Variants in ZC3H10 observed in about 807,000 individuals in gnomAD.
The protein encoded by ZC3H10 is zinc finger CCCH domain-containing protein 10.
A neutral mutation model predicts 24.3 loss-of-function variants in ZC3H10; 12 were observed. That is an observed-to-expected ratio of 0.49 (90% CI 0.32 to 0.80). ZC3H10 has a LOEUF of 0.80. Among genes scored for constraint, ZC3H10 ranks in the 30% least tolerant of loss-of-function variants. The pLI is 0.04. For synonymous variants in ZC3H10, 226 were observed against 217.0 expected (o/e 1.04, Z -0.36); for missense variants, 360 against 576.3 (o/e 0.62, Z 3.84).
At position 56,121,915 on chromosome 12, in the gene ZC3H10, A is replaced by G; in HGVS notation, c.*48A>G. 9 of 1,529,444 alleles carry G rather than the reference A, an allele frequency of 5.9e-6. No individual in the cohort carries two copies. Among genetic ancestry groups the G allele is most frequent in the Non-Finnish European group, 6.2e-6 (7 of 1,135,246 alleles). 94.7% of individuals were successfully genotyped at this position (1,529,444 alleles called of 1,614,324 possible). The stretch of plus-strand genomic sequence containing the variant: ...GGTATAGCCTCGCAGGGCTGGGGTC[A>G]GGGGGCCCTTGCCCACTCACCTAGC... On this transcript the variant is annotated 3_prime_UTR_variant, in exon 3 of 3. Coordinates refer to ENST00000257940, the MANE Select transcript of ZC3H10 (RefSeq NM_032786.3). The surrounding 1 kb of genome is among the most constrained non-coding windows in gnomAD (Gnocchi z 6.2).
chr12:56,120,336 G>T (rs1035599755), intron 2 of ZC3H10, 175 bp from the exon 3 acceptor site: 1 of 985,356 alleles, frequency 1.0e-6, no homozygotes, highest in African/African-American at 1.7e-5. Context: ...ACCCAGACCA[G>T]GTGCACAAAA....
chr12:56,120,750 T>C lies in ZC3H10; in HGVS notation c.188T>C (p.Met63Thr). 6.2e-7 allele frequency: 1 copy of C among 1,613,908 alleles called. No individual in the cohort carries two copies. The highest frequency in any genetic ancestry group is 2.2e-5 in the East Asian group (1 of 44,874). Residue 63 changes from methionine (M) to threonine (T), a missense_variant, in exon 3 of 3, where the codon ATG (methionine) becomes ACG (threonine). Physicochemically the swap from Met to Thr is moderately conservative, Grantham distance 81 (BLOSUM62 -1). Around this residue, in one of 3 missense-constraint regions of ZC3H10, gnomAD observed 126 missense variants for 208.8 expected, o/e 0.60. Coordinates refer to ENST00000257940, the MANE Select transcript of ZC3H10 (RefSeq NM_032786.3). ...CGTTGCCGATATCGCCACCCAGACA[T>C]GAGCGAGGTGTCCAACTTGGGGGTG... ...GKRCRYRHPD[M>T]SEVSNLGVSK...
chr12:56,126,235 T>C lies in ZC3H10; in HGVS notation c.*4368T>C, dbSNP rs1869987866. 1 of 152,224 alleles carries C rather than the reference T, an allele frequency of 6.6e-6. No individual in the cohort carries two copies. The highest frequency in any genetic ancestry group is 1.5e-5 in the Non-Finnish European group (1 of 68,050). The allele number at this position is 152,224 out of a possible 1,614,324, so 9.4% of individuals were successfully genotyped here. On this transcript the variant is annotated 3_prime_UTR_variant, in exon 3 of 3. Transcript: ENST00000257940. ...ATTATGGTTTACATATAAATGCAGA[T>C]TGCAAGTCCAGGAAGTTTACTCTCT...
chr12:56,121,933 CACCT>C lies in ZC3H10; in HGVS notation c.*68_*71del. The stretch of plus-strand genomic sequence containing the variant: ...TGGGGTCAGGGGGCCCTTGCCCACT[CACCT>C]AGCCTTCCCCATCCCTGTCTGAAGG... On this transcript the variant is annotated 3_prime_UTR_variant, in exon 3 of 3. Transcript: ENST00000257940. The surrounding 1 kb of genome is among the most constrained non-coding windows in gnomAD (Gnocchi z 6.2). The C allele has an allele frequency of 6.7e-7, 1 of 1,484,190 alleles. No individual in the cohort carries two copies. The highest frequency in any genetic ancestry group is 9.0e-7 in the Non-Finnish European group (1 of 1,108,142). 91.9% of individuals were successfully genotyped at this position (1,484,190 alleles called of 1,614,324 possible). A position where few individuals can be genotyped will look rare whatever the true frequency, so the allele number is the denominator to read the frequency against.
Position 56,120,958 on chromosome 12 carries a change from T to C in ZC3H10, c.396T>C (p.Asn132=), listed in dbSNP as rs767746603. The change falls in exon 3 of 3, where the codon AAT becomes AAC. Residue 132 remains asparagine (N), a synonymous_variant. Coordinates refer to ENST00000257940, the MANE Select transcript of ZC3H10 (RefSeq NM_032786.3). ...GLGLSPADLP[N]GKEEVPICRD... Reference sequence around the variant, plus strand: ...GCCTTTCACCGGCTGACCTACCAAATGGCAAGGAGGAGGTCCCTATCTGCC... The same window carrying C: ...GCCTTTCACCGGCTGACCTACCAAACGGCAAGGAGGAGGTCCCTATCTGCC... 6.2e-7 allele frequency: 1 copy of C among 1,613,950 alleles called. No homozygotes were observed. Among genetic ancestry groups the C allele is most frequent in the Non-Finnish European group, 8.5e-7 (1 of 1,180,018 alleles).
chr12:56,120,348 C>T, intron 2 of ZC3H10, 163 bp from the exon 3 acceptor site: 7 of 985,448 alleles, frequency 7.1e-6, no homozygotes, highest in Non-Finnish European at 8.4e-6. Flanking sequence ...TGCACAAAAC[C>T]CTGGGAGGGG....
Position 56,127,059 on chromosome 12 carries a change from A to G in ZC3H10, c.*5192A>G, listed in dbSNP as rs1870017437. 1 of 152,194 alleles carries G rather than the reference A, an allele frequency of 6.6e-6. No homozygotes were observed. Among genetic ancestry groups the G allele is most frequent in the Non-Finnish European group, 1.5e-5 (1 of 68,032 alleles). The allele number at this position is 152,194 out of a possible 1,614,324, so 9.4% of individuals were successfully genotyped here. On this transcript the variant is annotated 3_prime_UTR_variant, in exon 3 of 3. Coordinates refer to ENST00000257940, the MANE Select transcript of ZC3H10 (RefSeq NM_032786.3). ...CTGCTGCATCTGACAGATTTACATA[A>G]TATGCCCCATATATACTGCATTAAA...
rs557655234 is a variant in ZC3H10, at chr12:56,123,344, A to T, written c.*1477A>T. On this transcript the variant is annotated 3_prime_UTR_variant, in exon 3 of 3. Transcript: ENST00000257940. Reference sequence around the variant, plus strand: ...GTCAAGGCCAGTCATTAAAAAAAAAAGCCTAAAGACTAAAAGTGGGCTAAC... The same window carrying T: ...GTCAAGGCCAGTCATTAAAAAAAAATGCCTAAAGACTAAAAGTGGGCTAAC... The T allele has an allele frequency of 1.3e-5, 2 of 151,948 alleles. No individual in the cohort carries two copies. The highest frequency in any genetic ancestry group is 2.9e-5 in the Non-Finnish European group (2 of 67,954). The allele number at this position is 151,948 out of a possible 1,614,324, so 9.4% of individuals were successfully genotyped here.
Position 56,121,212 on chromosome 12 carries a change from C to A in ZC3H10, c.650C>A (p.Pro217His), listed in dbSNP as rs548618961. 1.2e-6 allele frequency: 2 copies of A among 1,613,932 alleles called. No individual in the cohort carries two copies. The highest frequency in any genetic ancestry group is 1.3e-5 in the African/African-American group (1 of 75,028). The change falls in exon 3 of 3, where the codon CCT becomes CAT. Residue 217 changes from proline to histidine, a missense_variant. Physicochemically the swap from Pro to His is moderately conservative, Grantham distance 77. Coordinates refer to ENST00000257940, the MANE Select transcript of ZC3H10 (RefSeq NM_032786.3). This position sits in a 1 kb window ranked among gnomAD's most constrained non-coding sequence, Gnocchi z 6.2. ...PKRRRGGCCP[P>H]DGPHFESYEY... ...CGCCGGCGAGGTGGATGCTGCCCCC[C>A]TGATGGCCCTCATTTTGAGTCATAT...
chr12:56,120,961 C>G lies in ZC3H10; in HGVS notation c.399C>G (p.Gly133=). ...TTTCACCGGCTGACCTACCAAATGGCAAGGAGGAGGTCCCTATCTGCCGTG... is the reference window on the plus strand; with the variant it reads ...TTTCACCGGCTGACCTACCAAATGGGAAGGAGGAGGTCCCTATCTGCCGTG... ...LGLSPADLPN[G]KEEVPICRDF... The change falls in exon 3 of 3, where the codon GGC becomes GGG. Residue 133 remains glycine (G), a synonymous_variant. Transcript: ENST00000257940. 6.2e-7 allele frequency: 1 copy of G among 1,614,120 alleles called. No individual in the cohort carries two copies. Among genetic ancestry groups the G allele is most frequent in the South Asian group, 1.1e-5 (1 of 91,074 alleles).
At position 56,122,585 on chromosome 12, in the gene ZC3H10, G is replaced by C. The variant is rs1437139027; in HGVS notation, c.*718G>C. The C allele has an allele frequency of 6.3e-6, 1 of 159,004 alleles. No homozygotes were observed. The highest frequency in any genetic ancestry group is 1.5e-5 in the Non-Finnish European group (1 of 68,086). 9.8% of individuals were successfully genotyped at this position (159,004 alleles called of 1,614,324 possible). ...ATGCCAAAATGGGATAAAGACCCCA[G>C]CCTCACATAGCTTTGGTAAGATGGA... On this transcript the variant is annotated 3_prime_UTR_variant, in exon 3 of 3. Coordinates refer to ENST00000257940, the MANE Select transcript of ZC3H10 (RefSeq NM_032786.3).
intron 1 of ZC3H10, chr12:56,118,604 T>G (rs1869709692): frequency 6.6e-6 from 1 of 152,230 alleles, no homozygotes; most frequent in African/African-American, 2.4e-5. Context: ...AGCCCACGGC[T>G]GAGCGCCGGC....
chr12:56,123,667 G>C lies in ZC3H10; in HGVS notation c.*1800G>C, dbSNP rs944279647. On this transcript the variant is annotated 3_prime_UTR_variant, in exon 3 of 3. Coordinates refer to ENST00000257940, the MANE Select transcript of ZC3H10 (RefSeq NM_032786.3). ...TATCTCTCGTGATCCGCCCGCCTCA[G>C]CCTCCCAAAGTGCTGGGATTACAGG... The C allele has an allele frequency of 6.6e-6, 1 of 152,092 alleles. No individual in the cohort carries two copies. The highest frequency in any genetic ancestry group is 1.5e-5 in the Non-Finnish European group (1 of 68,018). 9.4% of individuals were successfully genotyped at this position (152,092 alleles called of 1,614,324 possible). A position where few individuals can be genotyped will look rare whatever the true frequency, so the allele number is the denominator to read the frequency against.
Position 56,120,537 on chromosome 12 carries a change from A to G in ZC3H10, c.-26A>G, listed in dbSNP as rs923009782. 6.6e-7 allele frequency: 1 copy of G among 1,511,548 alleles called. No individual in the cohort carries two copies. 93.6% of individuals were successfully genotyped at this position (1,511,548 alleles called of 1,614,324 possible). On this transcript the variant is annotated 5_prime_UTR_variant, in exon 3 of 3. Coordinates refer to ENST00000257940, the MANE Select transcript of ZC3H10 (RefSeq NM_032786.3). ...GGTCACCAAGAGTGGCAAGATAAAG[A>G]AAACCCTGAGTTGGGCGGGACCAGG...
In ZC3H10 at chr12:56,121,989, C is replaced by T. The variant is rs556980011; in HGVS notation, c.*122C>T. On this transcript the variant is annotated 3_prime_UTR_variant, in exon 3 of 3. Transcript: ENST00000257940. The surrounding 1 kb of genome is among the most constrained non-coding windows in gnomAD (Gnocchi z 6.2). ...CTCCCTTGAGAACTAGGACAAGAGA[C>T]TACAAGGAGTATGTCCTGAGGAGGG... The T allele has an allele frequency of 8.2e-7, 1 of 1,215,792 alleles. No homozygotes were observed. The highest frequency in any genetic ancestry group is 1.5e-5 in the African/African-American group (1 of 65,022). The allele number at this position is 1,215,792 out of a possible 1,614,324, so 75.3% of individuals were successfully genotyped here. A position where few individuals can be genotyped will look rare whatever the true frequency, so the allele number is the denominator to read the frequency against.
chr12:56,119,685 A>G (rs1476211401), intron 2 of ZC3H10: 1 of 152,116 alleles, frequency 6.6e-6, no homozygotes, highest in Non-Finnish European at 1.5e-5. Context: ...GGAGACTTAA[A>G]AAGCTTTTAT....
chr12:56,123,835 A>G lies in ZC3H10; in HGVS notation c.*1968A>G, dbSNP rs1251163865. 1 of 152,174 alleles carries G rather than the reference A, an allele frequency of 6.6e-6. No individual in the cohort carries two copies. The highest frequency in any genetic ancestry group is 2.4e-5 in the African/African-American group (1 of 41,424). 9.4% of individuals were successfully genotyped at this position (152,174 alleles called of 1,614,324 possible). On this transcript the variant is annotated 3_prime_UTR_variant, in exon 3 of 3. Transcript: ENST00000257940. ...ATTTCCTCCTTGCCAGGTTATCTCC[A>G]AAGAGGTAGATTTGGGAAATTTTAG...
At chr12:56,118,812 G>C (rs1191576233) in intron 1 of ZC3H10, 2 of 152,150 alleles carry the variant, frequency 1.3e-5, no homozygotes, top group Non-Finnish European at 1.5e-5. Context: ...GCGGTGCTCT[G>C]ACCCTCACAT....
At position 56,122,174 on chromosome 12, in the gene ZC3H10, C is replaced by G. The variant is rs1222154151; in HGVS notation, c.*307C>G. The G allele has an allele frequency of 5.1e-6, 2 of 393,126 alleles. No individual in the cohort carries two copies. Among genetic ancestry groups the G allele is most frequent in the Non-Finnish European group, 9.6e-6 (2 of 208,918 alleles). The allele number at this position is 393,126 out of a possible 1,614,324, so 24.4% of individuals were successfully genotyped here. ...CCTCTTATGGGAATTTGGGAACATC[C>G]CTCGTCTTGTCCTCTCTTCTGCACA... is the stretch of plus-strand genomic sequence containing the variant. On this transcript the variant is annotated 3_prime_UTR_variant, in exon 3 of 3. Transcript: ENST00000257940.
Sources: allele counts gnomAD v4.1 joint callset, GRCh38; gene constraint gnomAD v4.1.1; regional missense constraint gnomAD v4.1.1; non-coding constraint Gnocchi (gnomAD v3.1); transcripts MANE v1.5; gene names NCBI Gene and HGNC (gene_info 2026-07-23, HGNC 2026-07-21).